Variants in DNAAF5 observed in about 807,000 individuals in gnomAD.
DNAAF5 encodes HEAT repeat containing 2.
In DNAAF5, 64 loss-of-function variants were observed where a neutral mutation model predicts 75.8. The ratio of observed to expected loss-of-function variants is 0.84; its 90% CI spans 0.69 to 1.04. The LOEUF (loss-of-function observed/expected upper bound fraction) is 1.04. Among genes scored for constraint, DNAAF5 ranks in the 50% least tolerant of loss-of-function variants. The pLI is 0.00. For synonymous variants in DNAAF5, 657 were observed against 557.2 expected, an observed-to-expected ratio of 1.18 and a Z score of -2.52; for missense variants, 1,269 against 1,178.5, an observed-to-expected ratio of 1.08 and a Z score of -1.12.
In DNAAF5 at chr7:741,376, T is replaced by C; in HGVS notation, c.935T>C (p.Val312Ala). ...CTGGCTGCCAGCCTCTGGGAGGACG[T>C]TGGCCTGCAGTGGCAGAAGGAGAAT... ...RQLAASLWED[V>A]GLQWQKENEE... Residue 312 changes from valine (V) to alanine (A), a missense_variant, in exon 4 of 13, where the codon GTT becomes GCT. Physicochemically the swap from Val to Ala is moderately conservative, Grantham distance 64 (BLOSUM62 0). Transcript: ENST00000297440. 1 of 1,587,222 alleles carries C rather than the reference T, an allele frequency of 6.3e-7. No individual in the cohort carries two copies.
chr7:753,493 C>T (rs1461090364), intron 4 of DNAAF5, among the ~76,000 whole-genome samples: 3 of 152,260 alleles, frequency 2.0e-5, no homozygotes, highest in Non-Finnish European at 4.4e-5. Context: ...GGGCGAAGGA[C>T]GCAGCTGTCA....
At chr7:761,232 G>A (rs897872420) in intron 6 of DNAAF5, among the ~76,000 whole-genome samples, 14 of 136,354 alleles carry the variant, frequency 1.0e-4, no homozygotes, top group East Asian at 8.0e-4. Context: ...TTGACATGCC[G>A]GCACCCTACC....
chr7:784,689 G>A (rs529724227), intron 12 of DNAAF5, among the ~76,000 whole-genome samples: 14 of 152,158 alleles, frequency 9.2e-5, no homozygotes, highest in Non-Finnish European at 1.3e-4. Flanking sequence ...CGGCTGTGTC[G>A]GTGATGCCTG....
At chr7:737,059 T>A (rs1420522403) in intron 2 of DNAAF5, among the ~76,000 whole-genome samples, 1 of 152,012 alleles carries the variant, frequency 6.6e-6, no homozygotes, top group Admixed American at 6.5e-5. Context: ...TCTTGAAAAG[T>A]CATTGTAGTT....
intron 4 of DNAAF5, among the ~76,000 whole-genome samples, chr7:743,545 T>C (rs986979309): frequency 2.2e-5 from 2 of 92,578 alleles, no homozygotes; most frequent in Admixed American, 1.2e-4. Context: ...GCTGCACAGT[T>C]GCTGTACAGG....
chr7:765,669 G>A (rs1042792924), intron 8 of DNAAF5, among the ~76,000 whole-genome samples: 2 of 152,192 alleles, frequency 1.3e-5, no homozygotes, highest in African/African-American at 4.8e-5. Flanking sequence ...ATGCCGTTCA[G>A]TGTCAAGAGC....
intron 2 of DNAAF5, among the ~76,000 whole-genome samples, chr7:737,034 T>C (rs1022524064): frequency 7.9e-5 from 12 of 152,142 alleles, no homozygotes; most frequent in Non-Finnish European, 1.6e-4. Flanking sequence ...TTTGTTGTTT[T>C]TACTTATATC....
intron 12 of DNAAF5, among the ~76,000 whole-genome samples, chr7:783,803 T>C (rs1256715381): frequency 6.6e-6 from 1 of 151,326 alleles, no homozygotes; most frequent in African/African-American, 2.4e-5. Context: ...TCAACCCGAG[T>C]TCTGAGCTTC....
chr7:771,029 A>C (rs1485364669), intron 9 of DNAAF5: 1 of 159,930 alleles, frequency 6.3e-6, no homozygotes, highest in Non-Finnish European at 1.4e-5. Context: ...TGGTCATTAA[A>C]ATTCCAGTGA....
intron 8 of DNAAF5, among the ~76,000 whole-genome samples, chr7:764,575 C>T (rs1003162015): frequency 9.9e-5 from 15 of 152,204 alleles, no homozygotes; most frequent in African/African-American, 2.9e-4. Flanking sequence ...CCGGCCCTCC[C>T]GCTCCCGCCT....
chr7:727,322 ACC>A lies in DNAAF5; in HGVS notation c.595+10_595+11del. The A allele has an allele frequency of 8.0e-7, 1 of 1,255,948 alleles. No individual in the cohort carries two copies. Among genetic ancestry groups the A allele is most frequent in the Non-Finnish European group, 1.0e-6 (1 of 999,244 alleles). 77.8% of individuals were successfully genotyped at this position (1,255,948 alleles called of 1,614,324 possible). ...CTGGCGCAGGCCACGCCCGGTGAGC[ACC>A]CCGGGCCCCGCTCCCACACGCCACC... On this transcript the variant is annotated splice_region_variant and intron_variant, in intron 1 of 12. Transcript: ENST00000297440.
intron 4 of DNAAF5, among the ~76,000 whole-genome samples, chr7:748,275 G>A (rs1583489848): frequency 7.2e-6 from 1 of 138,114 alleles, no homozygotes; most frequent in Non-Finnish European, 1.6e-5. Flanking sequence ...GTGTGCAGTG[G>A]TGGCCCACGG....
rs1486497283 is a variant in DNAAF5 at position 775,116 on chromosome 7, C to T, written c.2193C>T (p.Thr731=). The change falls in exon 11 of 13, where the codon ACC becomes ACT. Residue 731 remains threonine, a synonymous_variant. Transcript: ENST00000297440. ...GTATTATCAACACGTTCTTAAAAAC[C>T]TCGGGCGGCATGACGGATCCAGAGA... is the stretch of plus-strand genomic sequence containing the variant. ...SCRIINTFLK[T]SGGMTDPEKL... is the part of the protein sequence containing the mutation. The T allele has an allele frequency of 6.2e-7, 1 of 1,614,142 alleles. No homozygotes were observed. The highest frequency in any genetic ancestry group is 1.1e-5 in the South Asian group (1 of 91,082).
intron 2 of DNAAF5, among the ~76,000 whole-genome samples, chr7:735,009 C>T (rs1274776159): frequency 8.6e-5 from 13 of 151,656 alleles, no homozygotes; most frequent in Admixed American, 2.0e-4. Flanking sequence ...TGTCATTGCT[C>T]ACGGTGTAGT....
chr7:785,695 A>G lies in DNAAF5; in HGVS notation c.*42A>G. On this transcript the variant is annotated 3_prime_UTR_variant, in exon 13 of 13. Transcript: ENST00000297440. ...CACGGCACACCCTTGTCCCCACCTG[A>G]GCCAGAGTTTGTGGCCTTTAAATCT... The G allele has an allele frequency of 1.2e-6, 2 of 1,600,560 alleles. No homozygotes were observed. Among genetic ancestry groups the G allele is most frequent in the Middle Eastern group, 2.0e-4 (1 of 5,018 alleles).
intron 9 of DNAAF5, among the ~76,000 whole-genome samples, chr7:773,487 G>A (rs1348250574): frequency 2.0e-5 from 3 of 152,130 alleles, no homozygotes; most frequent in Admixed American, 6.5e-5. Flanking sequence ...GGACGAAGTC[G>A]CCGACAGGGT....
At chr7:739,788 C>A (rs1158622686) in intron 2 of DNAAF5, among the ~76,000 whole-genome samples, 1 of 152,174 alleles carries the variant, frequency 6.6e-6, no homozygotes, top group Non-Finnish European at 1.5e-5. Flanking sequence ...AGGGGCGGAT[C>A]CTAGGTGCGT....
intron 12 of DNAAF5, among the ~76,000 whole-genome samples, chr7:784,443 C>T (rs1779085297): frequency 1.3e-5 from 2 of 152,194 alleles, no homozygotes; most frequent in Admixed American, 1.3e-4. Context: ...TTGAGGTCCT[C>T]CTGGACCCCC....
intron 11 of DNAAF5, among the ~76,000 whole-genome samples, chr7:776,889 C>T (rs1435138213): frequency 6.6e-6 from 1 of 152,204 alleles, no homozygotes; most frequent in Non-Finnish European, 1.5e-5. Context: ...TTTACGGCTG[C>T]TCCCCATCTT....
Sources: allele counts gnomAD v4.1 joint callset (sites outside exome capture counted in the v4.1 genomes callset), GRCh38; gene constraint gnomAD v4.1.1; transcripts MANE v1.5; gene names NCBI Gene and HGNC (gene_info 2026-07-23, HGNC 2026-07-21).